WSCD2: variants seen among roughly 807,000 people sequenced by gnomAD.
WSCD2 encodes sialate:O-sulfotransferase 2.
A neutral mutation model predicts 55.7 loss-of-function variants in WSCD2; 28 were observed. The ratio of observed to expected loss-of-function variants is 0.50; its 90% CI spans 0.37 to 0.69. WSCD2 has a LOEUF of 0.69. Among genes scored for constraint, WSCD2 ranks in the 30% least tolerant of loss-of-function variants. The probability of loss-of-function intolerance (pLI) is 0.00; values close to 1 mark genes in which losing one functional copy is unlikely to be tolerated. For synonymous variants in WSCD2, 301 were observed against 301.9 expected (o/e 1.00, Z 0.03); for missense variants, 616 against 762.1 (o/e 0.81, Z 2.26).
intron 1 of WSCD2, among the ~76,000 whole-genome samples, chr12:108,194,242 AATCT>A (rs1325022493): frequency 6.6e-6 from 1 of 152,118 alleles, no homozygotes; most frequent in Non-Finnish European, 1.5e-5. Context: ...AAAGGTTAGG[AATCT>A]ATATTCACCA....
chr12:108,210,133 T>C lies in WSCD2; in HGVS notation c.510T>C (p.Tyr170=), dbSNP rs1285552729. 5 of 1,613,956 alleles carry C rather than the reference T, an allele frequency of 3.1e-6. No homozygotes were observed. The African/African-American group carries it at 6.7e-5, about 22-fold the overall frequency. ...CAGCCTCCCCCAGGGGTTACCTGTA[T>C]GGCGGGCTGGAGTTCGGCGCCGAGT... ...QDNCAERGYL[Y]GGLEFGAECY... is the part of the protein sequence containing the mutation. Residue 170 remains tyrosine, a synonymous_variant, in exon 4 of 9, where the codon TAT becomes TAC. Transcript: ENST00000547525. This position sits in a 1 kb window ranked among gnomAD's most constrained non-coding sequence, Gnocchi z 4.3.
intron 1 of WSCD2, chr12:108,171,953 T>A (rs1486975937): frequency 1.3e-5 from 2 of 152,254 alleles, no homozygotes; most frequent in Non-Finnish European, 2.9e-5. Context: ...TGAGGAATTC[T>A]ACTTGCCTTA....
Position 108,240,409 on chromosome 12 carries a change from G to T in WSCD2, c.1210G>T (p.Gly404Cys). The part of the protein sequence containing the change: ...RTICIKTHES[G>C]QKEIEAFDAA... ...CATCTGCATCAAGACGCACGAAAGC[G>T]GCCAGAAAGAGATCGAGGCCTTCGA... Residue 404 changes from glycine (G) to cysteine (C), a missense_variant, in exon 8 of 9, where the codon GGC becomes TGC. Transcript: ENST00000547525. 6.2e-7 allele frequency: 1 copy of T among 1,614,182 alleles called. No homozygotes were observed. Among genetic ancestry groups the T allele is most frequent in the Middle Eastern group, 1.6e-4 (1 of 6,062 alleles).
rs144098255 is a variant in WSCD2, at chr12:108,204,384, T to C, written c.383-1905T>C. 2.3e-3 allele frequency among the ~76,000 whole-genome samples: 346 copies of C among 152,202 alleles called. 1 individual carries two copies. The highest frequency in any genetic ancestry group is 7.9e-3 in the African/African-American group (329 of 41,538). ...CCTTCCTTCCTTTCCTTCCTGCTCT[T>C]TCTCCCTCCAGCTCCCTGTATTTTT... On this transcript the variant is annotated intron_variant, in intron 2 of 8. Transcript: ENST00000547525.
chr12:108,175,167 C>T (rs1385211668), intron 1 of WSCD2, among the ~76,000 whole-genome samples: 1 of 152,202 alleles, frequency 6.6e-6, no homozygotes, highest in Non-Finnish European at 1.5e-5. Context: ...CTTGTCATGA[C>T]TGGTGGGTGT....
In WSCD2 at chr12:108,240,553, C is replaced by A. The variant is rs1889647111; in HGVS notation, c.1345+9C>A. ...CCACTGGAAGGGCAAAGGTACAGCT[C>A]GGGAGAGGAGGGGAGGGGAGGGGAG... On this transcript the variant is annotated intron_variant, in intron 8 of 8. Transcript: ENST00000547525. 1 of 430,430 alleles carries A rather than the reference C, an allele frequency of 2.3e-6. No individual in the cohort carries two copies. The highest frequency in any genetic ancestry group is 3.4e-6 in the Non-Finnish European group (1 of 292,744). 26.7% of individuals were successfully genotyped at this position (430,430 alleles called of 1,614,324 possible). A position where few individuals can be genotyped will look rare whatever the true frequency, so the allele number is the denominator to read the frequency against.
chr12:108,166,429 C>T (rs946556365), intron 1 of WSCD2, among the ~76,000 whole-genome samples: 3 of 152,202 alleles, frequency 2.0e-5, no homozygotes, highest in Admixed American at 6.5e-5. Flanking sequence ...AAGCAAAATC[C>T]TCTGTTGGCT....
intron 3 of WSCD2, among the ~76,000 whole-genome samples, 172 bp from the exon 4 acceptor site, chr12:108,209,949 C>T (rs148220977): frequency 6.6e-6 from 1 of 152,066 alleles, no homozygotes; most frequent in Admixed American, 6.5e-5. Context: ...TGAGGTCTCT[C>T]CTGTCCCCTG....
At chr12:108,181,551 C>A (rs998271584) in intron 1 of WSCD2, among the ~76,000 whole-genome samples, 11 of 152,112 alleles carry the variant, frequency 7.2e-5, no homozygotes, top group Middle Eastern at 3.2e-3. Flanking sequence ...TGATGGCACC[C>A]ATTTACAAGT....
intron 1 of WSCD2, among the ~76,000 whole-genome samples, chr12:108,170,980 A>C (rs755690849): frequency 6.6e-6 from 1 of 152,146 alleles, no homozygotes; most frequent in Non-Finnish European, 1.5e-5. Flanking sequence ...CTGGCTTCAG[A>C]GCATACAAAG....
intron 1 of WSCD2, among the ~76,000 whole-genome samples, chr12:108,180,972 G>A (rs974849142): frequency 1.3e-5 from 2 of 152,230 alleles, no homozygotes; most frequent in African/African-American, 4.8e-5. Flanking sequence ...CAGAGAGGCT[G>A]CAAATGTCAC....
intron 4 of WSCD2, among the ~76,000 whole-genome samples, chr12:108,212,621 A>G (rs1238209215): frequency 3.4e-5 from 5 of 148,884 alleles, no homozygotes; most frequent in Non-Finnish European, 7.4e-5. Context: ...TCTCACACAC[A>G]CACACACACA....
At chr12:108,146,802 G>A (rs1422290736) in intron 1 of WSCD2, among the ~76,000 whole-genome samples, 1 of 152,198 alleles carries the variant, frequency 6.6e-6, no homozygotes, top group Non-Finnish European at 1.5e-5. Context: ...TGGCTAGAGA[G>A]CAGAGACGCT....
intron 1 of WSCD2, among the ~76,000 whole-genome samples, chr12:108,137,362 G>C (rs928620607): frequency 2.6e-5 from 4 of 152,214 alleles, no homozygotes; most frequent in Non-Finnish European, 5.9e-5. Flanking sequence ...AAAAGAGCCA[G>C]CATTCCCTCA....
In WSCD2 at chr12:108,196,061, C is replaced by T. The variant is rs200708985; in HGVS notation, c.229C>T (p.Arg77Trp). 3.1e-6 allele frequency: 5 copies of T among 1,614,140 alleles called. No homozygotes were observed. Among genetic ancestry groups the T allele is most frequent in the African/African-American group, 2.7e-5 (2 of 75,026 alleles). ...TGACATGCATCTGGGCAGAGGTTTCCGGGACACAGGTGAAGCCTCAAGCAT... is the reference window on the plus strand; with the variant it reads ...TGACATGCATCTGGGCAGAGGTTTCTGGGACACAGGTGAAGCCTCAAGCAT... ...LGDMHLGRGF[R>W]DTGEASSIAR... Residue 77 changes from arginine to tryptophan, a missense_variant, in exon 2 of 9, where the codon CGG (arginine) becomes TGG (tryptophan). Physicochemically the swap from Arg to Trp is moderately radical, Grantham distance 101 (BLOSUM62 -3). Transcript: ENST00000547525.
chr12:108,169,154 T>G (rs1363054520), intron 1 of WSCD2, among the ~76,000 whole-genome samples: 5 of 152,206 alleles, frequency 3.3e-5, no homozygotes, highest in Admixed American at 3.3e-4. Context: ...GGGAATCTAA[T>G]GTCTTCCATC....
intron 4 of WSCD2, among the ~76,000 whole-genome samples, chr12:108,223,279 C>T (rs1887728210): frequency 6.6e-6 from 1 of 152,256 alleles, no homozygotes; most frequent in African/African-American, 2.4e-5. Context: ...TTCACACCTA[C>T]TGTCCAGGGA....
intron 2 of WSCD2, among the ~76,000 whole-genome samples, chr12:108,198,327 C>T (rs1323855472): frequency 6.6e-6 from 1 of 152,134 alleles, no homozygotes; most frequent in East Asian, 1.9e-4. Context: ...TATCCCTTTG[C>T]CTGGAGTACC....
chr12:108,205,328 C>A (rs546822682), intron 2 of WSCD2, among the ~76,000 whole-genome samples: 17 of 152,278 alleles, frequency 1.1e-4, no homozygotes, highest in African/African-American at 3.9e-4. Flanking sequence ...ATAATATTCT[C>A]ATAGGATCGC....
Sources: gnomAD v4.1 joint callset for allele counts (sites outside exome capture counted in the v4.1 genomes callset) on GRCh38, gnomAD v4.1.1 for gene constraint, Gnocchi (gnomAD v3.1) non-coding constraint, MANE v1.5 for transcripts, NCBI Gene and HGNC (gene_info 2026-07-23, HGNC 2026-07-21) for gene names.